PCLO: variants seen among roughly 807,000 people sequenced by gnomAD.
The protein encoded by PCLO is protein piccolo.
A neutral mutation model predicts 427.5 loss-of-function variants in PCLO; 82 were observed. The ratio of observed to expected loss-of-function variants is 0.19; its 90% CI spans 0.16 to 0.23. The LOEUF is 0.23. Ranked by LOEUF, PCLO falls within the 10% of genes least tolerant of loss-of-function variation. The probability of loss-of-function intolerance (pLI) is 1.00; values close to 1 mark genes in which losing one functional copy is unlikely to be tolerated. For missense variants in PCLO, 6,239 were observed against 6,115.9 expected, an observed-to-expected ratio of 1.02 and a Z score of -0.67; for synonymous variants, 2,357 against 2,155.4, an observed-to-expected ratio of 1.09 and a Z score of -2.59.
intron 3 of PCLO, among the ~76,000 whole-genome samples, chr7:83,115,031 T>C (rs1241737821): frequency 2.6e-5 from 4 of 152,100 alleles, no homozygotes; most frequent in Non-Finnish European, 5.9e-5. Context: ...ACTCATGTTA[T>C]TGCAGTATGT....
intron 14 of PCLO, among the ~76,000 whole-genome samples, chr7:82,840,559 A>C (rs1792342337): frequency 6.6e-6 from 1 of 152,064 alleles, no homozygotes; most frequent in Admixed American, 6.6e-5. Context: ...GTCTTAACCT[A>C]CTTCTCGAAG....
intron 3 of PCLO, among the ~76,000 whole-genome samples, chr7:83,104,213 A>G (rs1790800299): frequency 6.6e-6 from 1 of 152,024 alleles, no homozygotes; most frequent in Non-Finnish European, 1.5e-5. Context: ...TTAAATTTGT[A>G]TATGCACCAT....
Position 82,796,263 on chromosome 7 carries a change from C to A in PCLO, c.15007+5255G>T, listed in dbSNP as rs1005336602. On this transcript the variant is annotated intron_variant, in intron 22 of 24. Coordinates refer to ENST00000333891, the MANE Select transcript of PCLO (RefSeq NM_033026.6). Reference sequence around the variant, plus strand: ...TAATTTTAAATTCCCAGTGAATAATCCAGGACTAGAAATAAGTGACACTGG... The same window carrying A: ...TAATTTTAAATTCCCAGTGAATAATACAGGACTAGAAATAAGTGACACTGG... Among the ~76,000 whole-genome samples the A allele has an allele frequency of 2.6e-5, 4 of 151,992 alleles. No homozygotes were observed. In the East Asian group the frequency reaches 7.7e-4, roughly 29 times the overall value.
intron 10 of PCLO, among the ~76,000 whole-genome samples, chr7:82,851,331 G>A (rs1035469081): frequency 1.3e-5 from 2 of 151,640 alleles, no homozygotes; most frequent in East Asian, 3.9e-4. Flanking sequence ...GACCATACCA[G>A]GTGTTAACAC....
At chr7:82,781,916 C>T (rs915239082) in intron 22 of PCLO, among the ~76,000 whole-genome samples, 6 of 152,206 alleles carry the variant, frequency 3.9e-5, no homozygotes, top group Non-Finnish European at 7.3e-5. Context: ...GGCATGGAAG[C>T]TTCTCGCCCC....
intron 22 of PCLO, among the ~76,000 whole-genome samples, chr7:82,767,054 T>C (rs1328086801): frequency 6.6e-6 from 1 of 152,120 alleles, no homozygotes; most frequent in Admixed American, 6.6e-5. Flanking sequence ...AGCAAATACA[T>C]GGATGGAGGC....
chr7:83,072,683 TAA>T (rs1351698173), intron 3 of PCLO, among the ~76,000 whole-genome samples: 1 of 152,106 alleles, frequency 6.6e-6, no homozygotes, highest in East Asian at 1.9e-4. Context: ...CAGCATTTTA[TAA>T]GTCTCAGATA....
intron 10 of PCLO, among the ~76,000 whole-genome samples, chr7:82,871,420 G>A (rs1030633298): frequency 1.4e-5 from 2 of 144,886 alleles, no homozygotes; most frequent in Admixed American, 1.4e-4. Context: ...CATTAATATA[G>A]TAAATAAAAT....
intron 10 of PCLO, among the ~76,000 whole-genome samples, chr7:82,860,656 C>T (rs1206764188): frequency 6.6e-6 from 1 of 151,954 alleles, no homozygotes; most frequent in Non-Finnish European, 1.5e-5. Flanking sequence ...CACAGAGAAA[C>T]ACATATTATT....
intron 6 of PCLO, among the ~76,000 whole-genome samples, chr7:82,922,060 T>A (rs984041490): frequency 8.6e-5 from 13 of 151,906 alleles, no homozygotes; most frequent in Non-Finnish European, 1.2e-4. Context: ...ATGGCTATTA[T>A]TAAAAAGTAA....
In PCLO at chr7:82,827,907, T is replaced by C; in HGVS notation, c.14309A>G (p.Gln4770Arg). The change falls in exon 17 of 25, where the codon CAA becomes CGA. Residue 4770 changes from glutamine to arginine, a missense_variant. Physicochemically the swap from Gln to Arg is conservative, Grantham distance 43 (BLOSUM62 1). Coordinates refer to ENST00000333891, the MANE Select transcript of PCLO (RefSeq NM_033026.6). Reference protein sequence around the residue: ...VQKSLNPEWNQTVIYKSISME... With the variant: ...VQKSLNPEWNRTVIYKSISME... Reference sequence around the variant, plus strand: ...GGAAATACTTTTATAAATTACTGTTTGATTCCACTCAGGATTAAGACTTTT... The same window carrying C: ...GGAAATACTTTTATAAATTACTGTTCGATTCCACTCAGGATTAAGACTTTT... 1 of 1,600,074 alleles carries C rather than the reference T, an allele frequency of 6.2e-7. No individual in the cohort carries two copies. Among genetic ancestry groups the C allele is most frequent in the South Asian group, 1.1e-5 (1 of 90,448 alleles).
Position 82,964,492 on chromosome 7 carries a change from T to TA in PCLO, c.4017+1278dup, listed in dbSNP as rs138537644. Among the ~76,000 whole-genome samples the TA allele has an allele frequency of 8.1e-3, 1,236 of 152,100 alleles. 23 individuals are homozygous for TA. Among genetic ancestry groups the TA allele is most frequent in the African/African-American group, 0.027 (1,111 of 41,490 alleles). On this transcript the variant is annotated intron_variant, in intron 4 of 24. Transcript: ENST00000333891. ...TCAAAAATTGTTCATGTAGCTCCCA[T>TA]AGGAGGAACAAAGACAGAACTCAAA... is the stretch of plus-strand genomic sequence containing the variant.
chr7:82,981,562 T>G (rs561247422), intron 3 of PCLO, among the ~76,000 whole-genome samples: 1 of 152,270 alleles, frequency 6.6e-6, no homozygotes, highest in Non-Finnish European at 1.5e-5. Flanking sequence ...ATAATGGAAC[T>G]GAGTACTCTA....
At position 83,155,305 on chromosome 7, in the gene PCLO, G is replaced by T; in HGVS notation, c.1336C>A (p.Pro446Thr). The change falls in exon 2 of 25, where the codon CCA becomes ACA. Residue 446 changes from proline (P) to threonine (T), a missense_variant. Transcript: ENST00000333891. ...PTKTPVQQPG[P>T]GKIPAQQAGP... is the part of the protein sequence containing the mutation. Reference sequence around the variant, plus strand: ...GCCTGTTGAGCTGGAATCTTTCCTGGCCCAGGCTGCTGAACTGGAGTCTTT... The same window carrying T: ...GCCTGTTGAGCTGGAATCTTTCCTGTCCCAGGCTGCTGAACTGGAGTCTTT... 6.2e-7 allele frequency: 1 copy of T among 1,613,938 alleles called. No homozygotes were observed. Among genetic ancestry groups the T allele is most frequent in the Non-Finnish European group, 8.5e-7 (1 of 1,179,872 alleles).
chr7:83,003,317 A>C (rs1019057141), intron 3 of PCLO, among the ~76,000 whole-genome samples: 6 of 151,754 alleles, frequency 4.0e-5, no homozygotes, highest in Admixed American at 1.3e-4. Flanking sequence ...AGAAAAGACT[A>C]AGAATAAAAT....
chr7:82,975,898 C>T (rs1796006288), intron 3 of PCLO, among the ~76,000 whole-genome samples: 2 of 152,188 alleles, frequency 1.3e-5, no homozygotes, highest in Admixed American at 1.3e-4. Flanking sequence ...ACTAAATTCT[C>T]CTTTGCCTTC....
intron 9 of PCLO, among the ~76,000 whole-genome samples, chr7:82,881,974 G>T (rs1793518291): frequency 6.6e-6 from 1 of 152,042 alleles, no homozygotes; most frequent in Non-Finnish European, 1.5e-5. Flanking sequence ...CAATTAAGTT[G>T]CATAAGAAGA....
intron 6 of PCLO, among the ~76,000 whole-genome samples, chr7:82,934,005 T>C (rs1342989924): frequency 6.6e-6 from 1 of 151,944 alleles, no homozygotes. Context: ...CACTTGCCAA[T>C]TAAGGCAAGT....
Position 82,846,632 on chromosome 7 carries a change from T to C in PCLO, c.13766A>G (p.Asp4589Gly). Residue 4589 changes from aspartate (D) to glycine (G), a missense_variant and splice_region_variant, in exon 12 of 25, where the codon GAC becomes GGC. Physicochemically the swap from Asp to Gly is moderately conservative, Grantham distance 94. This residue lies in a region of PCLO where 877 missense variants were observed against 925.5 expected (regional missense o/e 0.95). Coordinates refer to ENST00000333891, the MANE Select transcript of PCLO (RefSeq NM_033026.6). ...SGEAEICVRL[D>G]LNMLSDSENS... ...TTCAGAATCTGATAGCATATTGAGG[T>C]CCCTAAAAATTAAAACAAAACATTA... is the stretch of plus-strand genomic sequence containing the variant. 1 of 1,592,952 alleles carries C rather than the reference T, an allele frequency of 6.3e-7. No individual in the cohort carries two copies. The highest frequency in any genetic ancestry group is 8.6e-7 in the Non-Finnish European group (1 of 1,168,006).
Sources: gnomAD v4.1 joint callset for allele counts (sites outside exome capture counted in the v4.1 genomes callset) on GRCh38, gnomAD v4.1.1 for gene constraint, gnomAD v4.1.1 regional missense constraint, MANE v1.5 for transcripts, NCBI Gene and HGNC (gene_info 2026-07-23, HGNC 2026-07-21) for gene names.